The following LURAP1 variants were observed in gnomAD, a reference collection of about 807,000 sequenced individuals.
The protein encoded by LURAP1 is leucine rich adaptor protein 1.
LURAP1 carries 14 observed loss-of-function variants against 19.0 expected under a neutral mutation model. The observed-to-expected ratio is 0.74, with a 90% CI of 0.49 to 1.15. The LOEUF is 1.15. LURAP1 is among the 50% of genes most tolerant of loss of function. The pLI is 0.00. For synonymous variants in LURAP1, 129 were observed against 131.8 expected, an observed-to-expected ratio of 0.98 and a Z score of 0.14; for missense variants, 273 against 309.1, an observed-to-expected ratio of 0.88 and a Z score of 0.87.
At chr1:46,207,215 G>A (rs775679847) in intron 1 of LURAP1, among the ~76,000 whole-genome samples, 1 of 152,000 alleles carries the variant, frequency 6.6e-6, no homozygotes, top group African/African-American at 2.4e-5. Context: ...TGAGTAGCTG[G>A]GACTATGGGC....
At chr1:46,208,257 T>C (rs888507732) in intron 1 of LURAP1, among the ~76,000 whole-genome samples, 2 of 152,128 alleles carry the variant, frequency 1.3e-5, no homozygotes, top group Non-Finnish European at 2.9e-5. Context: ...CCTCCCGAAG[T>C]TCTGGGATTG....
intron 1 of LURAP1, among the ~76,000 whole-genome samples, chr1:46,215,361 C>T (rs1400874497): frequency 6.6e-6 from 1 of 151,908 alleles, no homozygotes; most frequent in Admixed American, 6.6e-5. Context: ...GGATAATCAT[C>T]AAAGAAATAA....
At chr1:46,211,487 A>G (rs1490463198) in intron 1 of LURAP1, among the ~76,000 whole-genome samples, 1 of 151,382 alleles carries the variant, frequency 6.6e-6, no homozygotes, top group Non-Finnish European at 1.5e-5. Context: ...ACACAGTAAT[A>G]TCACAACTAG....
chr1:46,212,378 T>C (rs993008485), intron 1 of LURAP1, among the ~76,000 whole-genome samples: 1 of 151,834 alleles, frequency 6.6e-6, no homozygotes, highest in Non-Finnish European at 1.5e-5. Context: ...CCTCCCGGGT[T>C]CATGCCATTC....
intron 1 of LURAP1, among the ~76,000 whole-genome samples, chr1:46,217,752 C>T (rs562695005): frequency 6.6e-6 from 1 of 152,044 alleles, no homozygotes; most frequent in South Asian, 2.1e-4. Context: ...AGCTACTCAG[C>T]AGGCTGAGGC....
intron 1 of LURAP1, among the ~76,000 whole-genome samples, chr1:46,217,174 A>G (rs776534625): frequency 6.6e-6 from 1 of 152,202 alleles, no homozygotes; most frequent in Non-Finnish European, 1.5e-5. Flanking sequence ...CAAGATGATA[A>G]TGGAGGGAGA....
intron 1 of LURAP1, among the ~76,000 whole-genome samples, chr1:46,212,458 T>C (rs1038912255): frequency 1.3e-5 from 2 of 151,964 alleles, no homozygotes; most frequent in Non-Finnish European, 2.9e-5. Context: ...TTTTTTTGTA[T>C]TTTTAACAGA....
At chr1:46,215,317 A>T (rs1200016548) in intron 1 of LURAP1, among the ~76,000 whole-genome samples, 1 of 152,146 alleles carries the variant, frequency 6.6e-6, no homozygotes, top group African/African-American at 2.4e-5. Context: ...TGTCCAAGTA[A>T]TAGGATTCCC....
chr1:46,220,110 G>T lies in LURAP1; in HGVS notation c.610G>T (p.Glu204Ter). The change falls in exon 2 of 2, where the codon GAG becomes TAG. Residue 204 changes from glutamate to a stop codon, truncating the protein, a stop_gained. Transcript: ENST00000371980. LOFTEE classifies it high-confidence loss of function. ...GAGAGCTGTGTGGAAGCCCCCAGGGGAGAGGCTTCAAGGTGGACCACCTGA... is the reference window on the plus strand; with the variant it reads ...GAGAGCTGTGTGGAAGCCCCCAGGGTAGAGGCTTCAAGGTGGACCACCTGA... ...SLRAVWKPPG[E>*]RLQGGPPESP... The T allele has an allele frequency of 6.2e-7, 1 of 1,614,242 alleles. No individual in the cohort carries two copies. The highest frequency in any genetic ancestry group is 8.5e-7 in the Non-Finnish European group (1 of 1,180,044).
chr1:46,203,405 C>A lies in LURAP1; in HGVS notation c.-22C>A. 3.5e-6 allele frequency: 5 copies of A among 1,438,386 alleles called. No homozygotes were observed. Among genetic ancestry groups the A allele is most frequent in the Non-Finnish European group, 4.6e-6 (5 of 1,092,686 alleles). 89.1% of individuals were successfully genotyped at this position (1,438,386 alleles called of 1,614,324 possible). A position where few individuals can be genotyped will look rare whatever the true frequency, so the allele number is the denominator to read the frequency against. ...CGGTCCCCGGCGTCCGGTCGCCCAG[C>A]CCTTTTCAGGCTTGGGCCCGCATGG... On this transcript the variant is annotated 5_prime_UTR_variant, in exon 1 of 2. Coordinates refer to ENST00000371980, the MANE Select transcript of LURAP1 (RefSeq NM_001013615.3).
chr1:46,211,914 A>G (rs1658908949), intron 1 of LURAP1, among the ~76,000 whole-genome samples: 2 of 152,048 alleles, frequency 1.3e-5, no homozygotes, highest in Non-Finnish European at 2.9e-5. Context: ...GGCGTGCGCC[A>G]CAACGCCTGG....
chr1:46,216,223 T>C (rs997398626), intron 1 of LURAP1, among the ~76,000 whole-genome samples: 5 of 152,038 alleles, frequency 3.3e-5, no homozygotes, highest in African/African-American at 1.2e-4. Context: ...ATTTTTTGTA[T>C]TTTTAGTAGA....
Position 46,203,454 on chromosome 1 carries a change from C to T in LURAP1, c.28C>T (p.Pro10Ser). MEGTVESQT[P>S]DLRDVEGKVG... Reference sequence around the variant, plus strand: ...GGAGGGGACCGTGGAGTCCCAGACGCCTGACCTGCGGGATGTGGAGGGTAA... The same window carrying T: ...GGAGGGGACCGTGGAGTCCCAGACGTCTGACCTGCGGGATGTGGAGGGTAA... The change falls in exon 1 of 2, where the codon CCT becomes TCT. Residue 10 changes from proline to serine, a missense_variant. By Grantham distance (74) the Pro-to-Ser change is moderately conservative (BLOSUM62 -1). Coordinates refer to ENST00000371980, the MANE Select transcript of LURAP1 (RefSeq NM_001013615.3). 1.3e-6 allele frequency: 2 copies of T among 1,499,780 alleles called. No homozygotes were observed. Among genetic ancestry groups the T allele is most frequent in the Non-Finnish European group, 1.8e-6 (2 of 1,125,266 alleles). 92.9% of individuals were successfully genotyped at this position (1,499,780 alleles called of 1,614,324 possible).
chr1:46,206,456 G>A (rs1377163175), intron 1 of LURAP1, among the ~76,000 whole-genome samples: 1 of 152,140 alleles, frequency 6.6e-6, no homozygotes, highest in Non-Finnish European at 1.5e-5. Context: ...AGAGAGTCTG[G>A]TATGTAGATG....
intron 1 of LURAP1, among the ~76,000 whole-genome samples, chr1:46,212,583 A>AT (rs983480552): frequency 8.3e-5 from 12 of 143,918 alleles, no homozygotes; most frequent in East Asian, 2.1e-4. Context: ...ACCCGGCCAA[A>AT]TTTTTTTTTT....
rs1271852720 is a variant in LURAP1 at position 46,221,144 on chromosome 1, A to G, written c.*924A>G. 1 of 152,158 alleles carries G rather than the reference A, an allele frequency of 6.6e-6. No homozygotes were observed. The highest frequency in any genetic ancestry group is 2.4e-5 in the African/African-American group (1 of 41,434). 9.4% of individuals were successfully genotyped at this position (152,158 alleles called of 1,614,324 possible). ...GATCACATTATTTATCGTCCATACC[A>G]TTACTTCTTGTGAACAGTAACATGT... On this transcript the variant is annotated 3_prime_UTR_variant, in exon 2 of 2. Transcript: ENST00000371980.
chr1:46,204,143 C>T (rs1057505493), intron 1 of LURAP1, among the ~76,000 whole-genome samples: 4 of 152,196 alleles, frequency 2.6e-5, no homozygotes, highest in African/African-American at 9.7e-5. Flanking sequence ...TCCGTTTCCT[C>T]TACATCCCCC....
intron 1 of LURAP1, among the ~76,000 whole-genome samples, chr1:46,217,249 C>A (rs1325107559): frequency 6.6e-6 from 1 of 152,064 alleles, no homozygotes; most frequent in Non-Finnish European, 1.5e-5. Context: ...TTAAGAGATG[C>A]CTCTCAGAAG....
intron 1 of LURAP1, among the ~76,000 whole-genome samples, chr1:46,207,387 G>T (rs551031440): frequency 2.0e-5 from 3 of 149,376 alleles, no homozygotes; most frequent in African/African-American, 7.4e-5. Context: ...TCCTAGCTGA[G>T]TCCTTCTTAA....
Sources: gnomAD v4.1 joint callset for allele counts (sites outside exome capture counted in the v4.1 genomes callset) on GRCh38, gnomAD v4.1.1 for gene constraint, MANE v1.5 for transcripts, NCBI Gene and HGNC (gene_info 2026-07-23, HGNC 2026-07-21) for gene names.